The following EP300 variants were observed in gnomAD, a reference collection of about 807,000 sequenced individuals.
EP300 encodes EP300 lysine acetyltransferase, also known as histone acetyltransferase p300.
EP300 carries 31 observed loss-of-function variants against 264.0 expected under a neutral mutation model. That is an observed-to-expected ratio of 0.12 (90% CI 0.09 to 0.16). The LOEUF (loss-of-function observed/expected upper bound fraction) is 0.16, where lower values mean the gene tolerates loss of function less well. EP300 is among the 10% of genes least tolerant of loss of function. The probability of loss-of-function intolerance (pLI) is 1.00; values close to 1 mark genes in which losing one functional copy is unlikely to be tolerated. For synonymous variants in EP300, 1,340 were observed against 1,045.4 expected, an observed-to-expected ratio of 1.28 and a Z score of -5.44; for missense variants, 2,766 against 3,052.9, an observed-to-expected ratio of 0.91 and a Z score of 2.21.
intron 12 of EP300, among the ~76,000 whole-genome samples, chr22:41,148,404 G>A (rs561483769): frequency 1.1e-4 from 17 of 152,230 alleles, no homozygotes; most frequent in African/African-American, 4.1e-4. Context: ...GGGTTCCTGA[G>A]CATTACTACT....
chr22:41,093,990 T>C (rs2058688664), intron 1 of EP300, among the ~76,000 whole-genome samples: 1 of 152,248 alleles, frequency 6.6e-6, no homozygotes, highest in African/African-American at 2.4e-5. Flanking sequence ...TTTTACACTT[T>C]TAAACATACT....
intron 8 of EP300, 144 bp downstream of exon 8, chr22:41,137,934 A>G: frequency 8.7e-7 from 1 of 1,155,588 alleles, no homozygotes; most frequent in Non-Finnish European, 1.3e-6. Flanking sequence ...ACTCTTGTGG[A>G]TTTCTTGCTG....
chr22:41,124,876 C>A (rs1287183578), intron 2 of EP300, among the ~76,000 whole-genome samples: 1 of 152,112 alleles, frequency 6.6e-6, no homozygotes, highest in Non-Finnish European at 1.5e-5. Context: ...GCCCCTAAAT[C>A]TTAATTTTGA....
At chr22:41,161,595 C>T (rs575833061) in intron 20 of EP300, among the ~76,000 whole-genome samples, 8 of 151,456 alleles carry the variant, frequency 5.3e-5, no homozygotes, top group African/African-American at 9.7e-5. Flanking sequence ...CCAGCCTGGG[C>T]GACAGAGCGA....
In EP300 at chr22:41,151,884, A is replaced by G. The variant is rs1158998511; in HGVS notation, c.2869A>G (p.Thr957Ala). The change falls in exon 15 of 31, where the codon ACT becomes GCT. Residue 957 changes from threonine to alanine, a missense_variant. Transcript: ENST00000263253. ...IEGQVSNPPS[T>A]SSTEVNSQAI... ...AGGACAGGTATCAAATCCTCCATCT[A>G]CTAGTAGCACAGAAGTGAATTCTCA... 4 of 1,613,878 alleles carry G rather than the reference A, an allele frequency of 2.5e-6. No individual in the cohort carries two copies. Among genetic ancestry groups the G allele is most frequent in the Non-Finnish European group, 3.4e-6 (4 of 1,179,972 alleles).
chr22:41,160,445 A>AC, intron 19 of EP300, 197 bp from the exon 20 acceptor site: 1 of 554,544 alleles, frequency 1.8e-6, no homozygotes, highest in Non-Finnish European at 3.2e-6. Flanking sequence ...AAAAAACAAA[A>AC]AAACAAACAA....
chr22:41,119,832 T>C (rs1387475327), intron 2 of EP300, among the ~76,000 whole-genome samples: 4 of 152,186 alleles, frequency 2.6e-5, no homozygotes, highest in African/African-American at 9.7e-5. Context: ...TGATTTTTAT[T>C]TTGAGACCGA....
At chr22:41,111,341 T>C (rs2058789077) in intron 1 of EP300, among the ~76,000 whole-genome samples, 1 of 152,182 alleles carries the variant, frequency 6.6e-6, no homozygotes. Flanking sequence ...CTTTGATACG[T>C]TTATATTTAT....
In EP300 at chr22:41,177,658, G is replaced by C. The variant is rs1182301516; in HGVS notation, c.5947G>C (p.Gly1983Arg). Residue 1983 changes from glycine (G) to arginine (R), a missense_variant, in exon 31 of 31, where the codon GGG becomes CGG. Physicochemically the swap from Gly to Arg is moderately radical, Grantham distance 125 (BLOSUM62 -2). Coordinates refer to ENST00000263253, the MANE Select transcript of EP300 (RefSeq NM_001429.4). ...AGGTCCCAGTGGGCATTTGGAGCCA[G>C]GGATGGGACCGACAGGGATGCAGCA... is the stretch of plus-strand genomic sequence containing the variant. ...TRGPSGHLEP[G>R]MGPTGMQQQP... 5.0e-6 allele frequency: 8 copies of C among 1,614,044 alleles called. No homozygotes were observed. The highest frequency in any genetic ancestry group is 6.8e-6 in the Non-Finnish European group (8 of 1,180,034).
In EP300 at chr22:41,152,363, A is replaced by C. The variant is rs1446767541; in HGVS notation, c.3142+13A>C. 6.2e-7 allele frequency: 1 copy of C among 1,610,244 alleles called. No homozygotes were observed. The highest frequency in any genetic ancestry group is 1.1e-5 in the South Asian group (1 of 90,584). ...TCAAAGAAAAAGAGTGAGTCTCTGA[A>C]GCCATTCGTTCTGGAGGTAGCTGAA... On this transcript the variant is annotated intron_variant, in intron 16 of 30. Coordinates refer to ENST00000263253, the MANE Select transcript of EP300 (RefSeq NM_001429.4).
rs760941484 is a variant in EP300, at chr22:41,152,174, G to A, written c.2998-32G>A. ...TACTGATTCCCAACTAGATATCTTT[G>A]GAATACTAAAAATTCTTACGTTTTC... is the stretch of plus-strand genomic sequence containing the variant. On this transcript the variant is annotated intron_variant, in intron 15 of 30. Coordinates refer to ENST00000263253, the MANE Select transcript of EP300 (RefSeq NM_001429.4). The A allele has an allele frequency of 4.3e-6, 7 of 1,610,276 alleles. No individual in the cohort carries two copies. The African/African-American group carries it at 6.7e-5, about 15-fold the overall frequency.
intron 2 of EP300, among the ~76,000 whole-genome samples, chr22:41,121,763 CAA>C (rs1351312904): frequency 3.3e-5 from 5 of 152,282 alleles, no homozygotes; most frequent in East Asian, 1.9e-4. Context: ...CATTTATTAA[CAA>C]GAGACAACAA....
chr22:41,120,772 C>T (rs1026340580), intron 2 of EP300, among the ~76,000 whole-genome samples: 1 of 152,170 alleles, frequency 6.6e-6, no homozygotes, highest in Non-Finnish European at 1.5e-5. Flanking sequence ...GGCTGGAGTA[C>T]AGTGGCACCA....
At position 41,173,840 on chromosome 22, in the gene EP300, G is replaced by A. The variant is rs1314165763; in HGVS notation, c.4779+56G>A. ...AACGGCAAGATTTCTGGCCAGGCAT[G>A]GTGGCTCACACCTGTAATCCCAGCA... On this transcript the variant is annotated intron_variant, in intron 29 of 30. Coordinates refer to ENST00000263253, the MANE Select transcript of EP300 (RefSeq NM_001429.4). The A allele has an allele frequency of 2.1e-5, 34 of 1,605,876 alleles. No homozygotes were observed. The South Asian group carries it at 3.6e-4, about 17-fold the overall frequency.
intron 29 of EP300, among the ~76,000 whole-genome samples, 181 bp downstream of exon 29, chr22:41,173,965 C>T (rs887853129): frequency 6.6e-6 from 1 of 152,026 alleles, no homozygotes; most frequent in African/African-American, 2.4e-5. Context: ...ACAAAATTAG[C>T]TGGGCATGGT....
intron 22 of EP300, 34 bp from the exon 23 acceptor site, chr22:41,166,565 A>G (rs1253150793): frequency 3.2e-6 from 5 of 1,567,894 alleles, no homozygotes; most frequent in Non-Finnish European, 4.4e-6. Context: ...CGGTTTATCT[A>G]AGTTGTGTAA....
At chr22:41,134,400 GTGTA>G (rs888368589) in intron 6 of EP300, among the ~76,000 whole-genome samples, 2 of 151,986 alleles carry the variant, frequency 1.3e-5, no homozygotes, top group Admixed American at 1.3e-4. Flanking sequence ...CTCACTGTGT[GTGTA>G]TGTGTGTGTT....
At chr22:41,110,730 T>G (rs1306912788) in intron 1 of EP300, among the ~76,000 whole-genome samples, 1 of 151,614 alleles carries the variant, frequency 6.6e-6, no homozygotes, top group Non-Finnish European at 1.5e-5. Flanking sequence ...TTTTCACACT[T>G]CCAGTGGTCC....
In EP300 at chr22:41,180,074, G is replaced by C. The variant is rs2059235184; in HGVS notation, c.*1118G>C. Reference sequence around the variant, plus strand: ...ATTGTTAAATAAACTGTGTGAGACAGACACCCTGACTTTGTTTCACTTGAT... The same window carrying C: ...ATTGTTAAATAAACTGTGTGAGACACACACCCTGACTTTGTTTCACTTGAT... On this transcript the variant is annotated 3_prime_UTR_variant, in exon 31 of 31. Coordinates refer to ENST00000263253, the MANE Select transcript of EP300 (RefSeq NM_001429.4). 1 of 228,948 alleles carries C rather than the reference G, an allele frequency of 4.4e-6. No homozygotes were observed. Among genetic ancestry groups the C allele is most frequent in the Admixed American group, 5.7e-5 (1 of 17,632 alleles). 14.2% of individuals were successfully genotyped at this position (228,948 alleles called of 1,614,324 possible).
Sources: allele counts gnomAD v4.1 joint callset (sites outside exome capture counted in the v4.1 genomes callset), GRCh38; gene constraint gnomAD v4.1.1; transcripts MANE v1.5; gene names NCBI Gene and HGNC (gene_info 2026-07-23, HGNC 2026-07-21).